PIK3C2G: variants seen among roughly 807,000 people sequenced by gnomAD.
PIK3C2G encodes phosphatidylinositol 3-kinase C2 domain-containing subunit gamma.
PIK3C2G carries 168 observed loss-of-function variants against 181.1 expected under a neutral mutation model. That is an observed-to-expected ratio of 0.93 (90% CI 0.82 to 1.05). The LOEUF is 1.05. PIK3C2G is among the 50% of genes least tolerant of loss of function. PIK3C2G has a pLI of 0.00. For missense variants in PIK3C2G, 1,869 were observed against 1,732.8 expected, an observed-to-expected ratio of 1.08 and a Z score of -1.40; for synonymous variants, 573 against 592.2, an observed-to-expected ratio of 0.97 and a Z score of 0.47.
At chr12:18,686,524 T>C in the PIK3C2G span, among the ~76,000 whole-genome samples, 1 of 151,484 alleles carries the variant, frequency 6.6e-6, no homozygotes, top group East Asian at 1.9e-4. Flanking sequence ...GTTCTGTCTC[T>C]GGTATGTTTA....
At chr12:18,305,728 T>C (rs1253471146) in intron 5 of PIK3C2G, among the ~76,000 whole-genome samples, 1 of 152,080 alleles carries the variant, frequency 6.6e-6, no homozygotes, top group Non-Finnish European at 1.5e-5. Context: ...GTAAAGTCTG[T>C]AGTAGGATGT....
At chr12:18,357,020 G>A (rs1282173135) in intron 11 of PIK3C2G, among the ~76,000 whole-genome samples, 2 of 152,016 alleles carry the variant, frequency 1.3e-5, no homozygotes, top group Non-Finnish European at 2.9e-5. Context: ...CCTCCTGTCT[G>A]TATCAATACC....
intron 13 of PIK3C2G, among the ~76,000 whole-genome samples, chr12:18,375,470 A>G (rs1366824166): frequency 6.6e-6 from 1 of 152,232 alleles, no homozygotes; most frequent in Non-Finnish European, 1.5e-5. Flanking sequence ...TCTCAGATTC[A>G]GGAGTGAAGA....
intron 6 of PIK3C2G, among the ~76,000 whole-genome samples, chr12:18,318,099 G>A (rs1950946616): frequency 6.6e-6 from 1 of 152,108 alleles, no homozygotes; most frequent in Non-Finnish European, 1.5e-5. Flanking sequence ...GAGAGAGATG[G>A]ACATTTGTGT....
chr12:18,472,731 A>T (rs1045155627), intron 18 of PIK3C2G, among the ~76,000 whole-genome samples: 1 of 152,054 alleles, frequency 6.6e-6, no homozygotes, highest in Non-Finnish European at 1.5e-5. Context: ...ACAAAGTCTC[A>T]CTCTGTCACC....
chr12:18,632,544 T>C (rs1426994320), intron 31 of PIK3C2G, among the ~76,000 whole-genome samples: 2 of 152,138 alleles, frequency 1.3e-5, no homozygotes, highest in African/African-American at 4.8e-5. Context: ...ATAAAGAGAT[T>C]GATCATGAGG....
chr12:18,463,015 T>C (rs981386906), intron 18 of PIK3C2G, among the ~76,000 whole-genome samples: 1 of 152,204 alleles, frequency 6.6e-6, no homozygotes, highest in Non-Finnish European at 1.5e-5. Context: ...CTTTATTGGA[T>C]ACACTTAAAA....
chr12:18,451,069 T>G (rs1281087569), intron 18 of PIK3C2G, among the ~76,000 whole-genome samples: 4 of 152,336 alleles, frequency 2.6e-5, no homozygotes, highest in Admixed American at 6.5e-5. Context: ...GGCTCCTTTT[T>G]GGTTCCATAT....
At chr12:18,403,969 A>C (rs1164314279) in intron 16 of PIK3C2G, among the ~76,000 whole-genome samples, 7 of 152,288 alleles carry the variant, frequency 4.6e-5, no homozygotes, top group Non-Finnish European at 1.5e-5. Context: ...TAAAAATAGC[A>C]ACTTTGAATT....
intron 14 of PIK3C2G, among the ~76,000 whole-genome samples, chr12:18,383,474 C>T (rs1006848058): frequency 7.9e-5 from 12 of 152,136 alleles, no homozygotes; most frequent in African/African-American, 2.9e-4. Flanking sequence ...GAGGACATGA[C>T]ATTTGAATGC....
At chr12:18,633,347 C>T (rs979804439) in intron 31 of PIK3C2G, among the ~76,000 whole-genome samples, 11 of 152,218 alleles carry the variant, frequency 7.2e-5, no homozygotes, top group South Asian at 2.1e-4. Context: ...GTGTTCATTA[C>T]AAAATAAAGA....
chr12:18,700,304 G>A, the PIK3C2G span, among the ~76,000 whole-genome samples: 9 of 151,530 alleles, frequency 5.9e-5, no homozygotes, highest in East Asian at 9.7e-4. Context: ...ATTACATAGC[G>A]AACATTTGCC....
At chr12:18,422,452 TG>T (rs1324355004) in intron 17 of PIK3C2G, among the ~76,000 whole-genome samples, 2 of 152,128 alleles carry the variant, frequency 1.3e-5, no homozygotes, top group African/African-American at 4.8e-5. Flanking sequence ...CATGCTATTT[TG>T]TTACGTATTA....
rs1230726677 is a variant in PIK3C2G at position 18,389,808 on chromosome 12, C to T, written c.1996-1314C>T. Among the ~76,000 whole-genome samples, 5 of 152,230 alleles carry T rather than the reference C, an allele frequency of 3.3e-5. No homozygotes were observed. The East Asian group carries it at 7.7e-4, about 23-fold the overall frequency. ...AATTGTTTCCTAAGTGAAATATACACAAATAATTTATTATAGGTTTGTACA... is the reference window on the plus strand; with the variant it reads ...AATTGTTTCCTAAGTGAAATATACATAAATAATTTATTATAGGTTTGTACA... On this transcript the variant is annotated intron_variant, in intron 14 of 32. Transcript: ENST00000538779.
At chr12:18,402,249 T>C (rs765177767) in intron 16 of PIK3C2G, among the ~76,000 whole-genome samples, 17 of 152,278 alleles carry the variant, frequency 1.1e-4, no homozygotes, top group Non-Finnish European at 2.2e-4. Flanking sequence ...GACAGCATTA[T>C]GCTAAGTGAA....
chr12:18,598,855 C>T (rs1947533045), intron 30 of PIK3C2G, among the ~76,000 whole-genome samples: 1 of 151,858 alleles, frequency 6.6e-6, no homozygotes, highest in South Asian at 2.1e-4. Context: ...ACAGACGCTT[C>T]TCAAAAGAAG....
chr12:18,615,392 G>A (rs1362911263), intron 31 of PIK3C2G, among the ~76,000 whole-genome samples: 6 of 137,598 alleles, frequency 4.4e-5, no homozygotes, highest in East Asian at 4.2e-4. Flanking sequence ...TATATATCAC[G>A]GTAGTATTAC....
chr12:18,262,648 T>TA (rs915354709), intron 1 of PIK3C2G, among the ~76,000 whole-genome samples: 19 of 151,478 alleles, frequency 1.3e-4, no homozygotes, highest in Non-Finnish European at 2.2e-4. Flanking sequence ...CTACCTCCTA[T>TA]AGAAAAGGTT....
At chr12:18,518,878 A>G (rs1942729379) in intron 24 of PIK3C2G, among the ~76,000 whole-genome samples, 1 of 152,230 alleles carries the variant, frequency 6.6e-6, no homozygotes, top group African/African-American at 2.4e-5. Flanking sequence ...TTAGTGCTAT[A>G]AATTTCCCTG....
Sources: allele counts gnomAD v4.1 joint callset (sites outside exome capture counted in the v4.1 genomes callset), GRCh38; gene constraint gnomAD v4.1.1; transcripts MANE v1.5; gene names NCBI Gene and HGNC (gene_info 2026-07-23, HGNC 2026-07-21).